KCNJ16: variants seen among roughly 807,000 people sequenced by gnomAD.
KCNJ16 encodes the protein inward rectifier potassium channel 16.
In KCNJ16, 15 loss-of-function variants were observed where a neutral mutation model predicts 18.5. That is an observed-to-expected ratio of 0.81 (90% confidence interval 0.54 to 1.25). The LOEUF (loss-of-function observed/expected upper bound fraction) is 1.25. Among genes scored for constraint, KCNJ16 ranks in the 50% most tolerant of loss-of-function variants. The pLI, the probability that KCNJ16 is intolerant of heterozygous loss-of-function variation, is 0.00. For missense variants in KCNJ16, 523 were observed against 525.7 expected (o/e 0.99, Z 0.05); for synonymous variants, 174 against 186.5 (o/e 0.93, Z 0.55).
intron 2 of KCNJ16, chr17:70,128,782 G>A (rs1450368664): frequency 6.6e-6 from 1 of 152,220 alleles, no homozygotes; most frequent in African/African-American, 2.4e-5. Flanking sequence ...CGAACCCCAA[G>A]AGCGCGGTAA....
chr17:70,087,703 T>A (rs1304383967), intron 1 of KCNJ16, among the ~76,000 whole-genome samples: 1 of 151,834 alleles, frequency 6.6e-6, no homozygotes, highest in Admixed American at 6.6e-5. Flanking sequence ...TGAGACTCTG[T>A]CTCAAAATAA....
At chr17:70,088,374 C>G (rs917231975) in intron 1 of KCNJ16, among the ~76,000 whole-genome samples, 6 of 152,218 alleles carry the variant, frequency 3.9e-5, no homozygotes, top group African/African-American at 7.2e-5. Flanking sequence ...GCTGATCCAG[C>G]AGGCGGAGGA....
intron 3 of KCNJ16, 27 bp from the exon 4 acceptor site, chr17:70,131,968 T>A (rs1031808319): frequency 1.1e-5 from 17 of 1,530,238 alleles, no homozygotes; most frequent in Non-Finnish European, 1.5e-5. Context: ...AGCTAAAAAG[T>A]GTGTTTTTGT....
rs1321952157 is a variant in KCNJ16, at chr17:70,099,380, A to G, written c.-299-1278A>G. 2.0e-5 allele frequency among the ~76,000 whole-genome samples: 3 copies of G among 152,184 alleles called. No homozygotes were observed. The East Asian group carries it at 5.8e-4, about 29-fold the overall frequency. On this transcript the variant is annotated intron_variant, in intron 1 of 3. Coordinates refer to ENST00000392671, the MANE Select transcript of KCNJ16 (RefSeq NM_170741.4). Reference sequence around the variant, plus strand: ...GGAAGTAGTACGAGACTTGTTTTGCAGAGCTTCAGGGGACAGCATGAGGAC... The same window carrying G: ...GGAAGTAGTACGAGACTTGTTTTGCGGAGCTTCAGGGGACAGCATGAGGAC...
chr17:70,119,336 T>C (rs1041304034), intron 2 of KCNJ16, among the ~76,000 whole-genome samples: 4 of 152,160 alleles, frequency 2.6e-5, no homozygotes, highest in African/African-American at 9.7e-5. Context: ...TGGTGACCCT[T>C]TGTCACATCT....
chr17:70,106,046 T>C (rs1212185992), intron 2 of KCNJ16, among the ~76,000 whole-genome samples: 2 of 152,318 alleles, frequency 1.3e-5, no homozygotes, highest in East Asian at 3.9e-4. Flanking sequence ...AGAAAATCCT[T>C]GATCCAGTCT....
intron 2 of KCNJ16, among the ~76,000 whole-genome samples, chr17:70,120,649 G>C (rs983638342): frequency 6.6e-6 from 1 of 152,048 alleles, no homozygotes; most frequent in African/African-American, 2.4e-5. Flanking sequence ...AGAAGTGTCT[G>C]GGGGGAAAGA....
chr17:70,107,804 G>C (rs1320898069), intron 2 of KCNJ16, among the ~76,000 whole-genome samples: 1 of 152,022 alleles, frequency 6.6e-6, no homozygotes. Context: ...CATAAAATTG[G>C]AGTGCTATTT....
intron 2 of KCNJ16, among the ~76,000 whole-genome samples, chr17:70,118,795 A>G (rs1313114739): frequency 6.6e-6 from 1 of 152,104 alleles, no homozygotes; most frequent in Non-Finnish European, 1.5e-5. Flanking sequence ...GGGGACAAAT[A>G]CCCAAACTAT....
In KCNJ16 at chr17:70,132,375, C is replaced by G. The variant is rs1391120790; in HGVS notation, c.288C>G (p.Ala96=). 1.2e-6 allele frequency: 2 copies of G among 1,614,008 alleles called. No homozygotes were observed. Among genetic ancestry groups the G allele is most frequent in the Admixed American group, 1.7e-5 (1 of 59,992 alleles). The change falls in exon 4 of 4, where the codon GCC becomes GCG. Residue 96 remains alanine (A), a synonymous_variant. Coordinates refer to ENST00000392671, the MANE Select transcript of KCNJ16 (RefSeq NM_170741.4). ...TTGGCTCTGTCTTTTGGCTCATAGC[C>G]TTTCATCATGGCGATCTATTAAATG... is the stretch of plus-strand genomic sequence containing the variant. ...LIFGSVFWLI[A]FHHGDLLNDP... is the part of the protein sequence containing the mutation.
chr17:70,103,504 A>G (rs1319539318), intron 2 of KCNJ16, among the ~76,000 whole-genome samples: 1 of 151,652 alleles, frequency 6.6e-6, no homozygotes, highest in African/African-American at 2.4e-5. Context: ...TTTACTTCGT[A>G]TCACATGTCA....
intron 1 of KCNJ16, among the ~76,000 whole-genome samples, chr17:70,080,290 T>C (rs8070024): frequency 6.6e-6 from 1 of 152,150 alleles, no homozygotes; most frequent in Non-Finnish European, 1.5e-5. Context: ...AGAAACCATG[T>C]GATTAACATC....
chr17:70,109,165 T>C (rs950472580), intron 2 of KCNJ16, among the ~76,000 whole-genome samples: 1 of 152,190 alleles, frequency 6.6e-6, no homozygotes, highest in African/African-American at 2.4e-5. Context: ...CTTAAAACTT[T>C]AGTAATAAAA....
At position 70,075,967 on chromosome 17, in the gene KCNJ16, C is replaced by CT. The variant is rs61550133; in HGVS notation, c.-300+589dup. ...TGTTTTCACCTTAATCCCTCTAAAG[C>CT]TTTTTTTTTTTTCTTATCATTTAAA... On this transcript the variant is annotated intron_variant, in intron 1 of 3. Coordinates refer to ENST00000392671, the MANE Select transcript of KCNJ16 (RefSeq NM_170741.4). 4.0e-5 allele frequency among the ~76,000 whole-genome samples: 6 copies of CT among 149,742 alleles called. 1 individual carries two copies. Among genetic ancestry groups the CT allele is most frequent in the African/African-American group, 1.2e-4 (5 of 40,886 alleles).
intron 3 of KCNJ16, 146 bp downstream of exon 3, chr17:70,131,121 A>C: frequency 1.1e-6 from 1 of 944,244 alleles, no homozygotes; most frequent in Non-Finnish European, 1.6e-6. Flanking sequence ...TCCCTTTAAG[A>C]GGGAAACGAG....
Position 70,131,976 on chromosome 17 carries a change from TG to T in KCNJ16, c.-93-18del, listed in dbSNP as rs1567808812. 6.5e-7 allele frequency: 1 copy of T among 1,537,934 alleles called. No individual in the cohort carries two copies. The highest frequency in any genetic ancestry group is 1.4e-5 in the African/African-American group (1 of 72,808). ...CATTGAAAGCTAAAAAGTGTGTTTT[TG>T]TTGTTGTTGTTTTTTAGGTTCTAAC... is the stretch of plus-strand genomic sequence containing the variant. On this transcript the variant is annotated intron_variant, in intron 3 of 3. Coordinates refer to ENST00000392671, the MANE Select transcript of KCNJ16 (RefSeq NM_170741.4).
intron 2 of KCNJ16, among the ~76,000 whole-genome samples, chr17:70,116,593 T>A (rs760502003): frequency 6.6e-6 from 1 of 151,920 alleles, no homozygotes; most frequent in Non-Finnish European, 1.5e-5. Context: ...ATTGGGGGAG[T>A]CACATTTCTA....
intron 1 of KCNJ16, among the ~76,000 whole-genome samples, chr17:70,098,463 TTAAGA>T (rs1341103425): frequency 3.3e-5 from 5 of 152,206 alleles, no homozygotes; most frequent in African/African-American, 1.2e-4. Flanking sequence ...ATTTAAAAAT[TTAAGA>T]TAAATCATTT....
intron 2 of KCNJ16, among the ~76,000 whole-genome samples, chr17:70,103,317 T>TACACACAC (rs1437218496): frequency 0.021 from 425 of 20,316 alleles, 5 homozygotes; most frequent in African/African-American, 0.051. Flanking sequence ...TATATATATA[T>TACACACAC]ATATACACAC....
Sources: allele counts gnomAD v4.1 joint callset (sites outside exome capture counted in the v4.1 genomes callset), GRCh38; gene constraint gnomAD v4.1.1; transcripts MANE v1.5; gene names NCBI Gene and HGNC (gene_info 2026-07-23, HGNC 2026-07-21).